CBX1: variants seen among roughly 807,000 people sequenced by gnomAD.
CBX1 encodes the protein chromobox 1.
In CBX1, 10 loss-of-function variants were observed where a neutral mutation model predicts 25.1. The ratio of observed to expected loss-of-function variants is 0.40; its 90% CI spans 0.25 to 0.68. CBX1 has a LOEUF of 0.68. Ranked by LOEUF, CBX1 falls within the 30% of genes least tolerant of loss-of-function variation. CBX1 has a pLI of 0.40. For synonymous variants in CBX1, 63 were observed against 79.4 expected (o/e 0.79, Z 1.10); for missense variants, 106 against 218.5 (o/e 0.49, Z 3.25).
In CBX1 at chr17:48,076,130, G is replaced by A. The variant is rs2037672902; in HGVS notation, c.189C>T (p.Leu63=). 18 of 1,611,360 alleles carry A rather than the reference G, an allele frequency of 1.1e-5. No individual in the cohort carries two copies. The highest frequency in any genetic ancestry group is 1.5e-5 in the Non-Finnish European group (18 of 1,177,846). Residue 63 remains leucine (L), a synonymous_variant, in exon 3 of 5, where the codon CTC becomes CTT. Transcript: ENST00000225603. ...TCTGTGACTGCAGAAACTCAGCAATGAGGTCGGGGCAATCCAGGTTCTCTT... is the reference window on the plus strand; with the variant it reads ...TCTGTGACTGCAGAAACTCAGCAATAAGGTCGGGGCAATCCAGGTTCTCTT... ...EPEENLDCPD[L]IAEFLQSQKT...
intron 1 of CBX1, among the ~76,000 whole-genome samples, chr17:48,077,402 C>A (rs1456954687): frequency 1.3e-5 from 2 of 149,256 alleles, no homozygotes; most frequent in Middle Eastern, 3.2e-3. Context: ...GGACTACAGG[C>A]GTGTGCCACC....
intron 1 of CBX1, among the ~76,000 whole-genome samples, chr17:48,090,867 A>G (rs74692318): frequency 0.025 from 3,828 of 152,346 alleles, 152 homozygotes; most frequent in African/African-American, 0.085. Flanking sequence ...TGCTGGAAAA[A>G]TGGGGTAGAC....
At position 48,076,975 on chromosome 17, in the gene CBX1, C is replaced by T. The variant is rs1063470; in HGVS notation, c.30G>A (p.Val10=). The stretch of plus-strand genomic sequence containing the variant: ...CTTCCTCCTCTTCTAGCACCTCCTC[C>T]ACTTTCTTCTTGTTTTGTTTTTTCC... MGKKQNKKK[V]EEVLEEEEEE... is the part of the protein sequence containing the mutation. Residue 10 remains valine (V), a synonymous_variant, in exon 2 of 5, where the codon GTG becomes GTA. Coordinates refer to ENST00000225603, the MANE Select transcript of CBX1 (RefSeq NM_001127228.2). 2 of 1,613,650 alleles carry T rather than the reference C, an allele frequency of 1.2e-6. No homozygotes were observed. Among genetic ancestry groups the T allele is most frequent in the Non-Finnish European group, 1.7e-6 (2 of 1,179,810 alleles).
At chr17:48,095,238 C>T (rs1017361872) in intron 1 of CBX1, among the ~76,000 whole-genome samples, 1 of 152,042 alleles carries the variant, frequency 6.6e-6, no homozygotes, top group African/African-American at 2.4e-5. Flanking sequence ...CTTGCACATA[C>T]AATTAAAGGT....
At chr17:48,078,111 A>AT (rs1385676948) in intron 1 of CBX1, among the ~76,000 whole-genome samples, 2 of 151,974 alleles carry the variant, frequency 1.3e-5, no homozygotes, top group East Asian at 3.9e-4. Context: ...AAATGTGCAC[A>AT]TATCAATAAA....
chr17:48,098,448 C>A (rs1167717120), intron 1 of CBX1, among the ~76,000 whole-genome samples: 1 of 152,158 alleles, frequency 6.6e-6, no homozygotes, highest in African/African-American at 2.4e-5. Flanking sequence ...ACAATCTGAA[C>A]GGCCTACTAT....
chr17:48,086,875 C>G (rs1464557127), intron 1 of CBX1, among the ~76,000 whole-genome samples: 1 of 150,866 alleles, frequency 6.6e-6, no homozygotes, highest in Non-Finnish European at 1.5e-5. Context: ...AAAAAGAAAA[C>G]GAAAAAGAAA....
At chr17:48,077,777 T>A (rs1254465246) in intron 1 of CBX1, among the ~76,000 whole-genome samples, 2 of 152,066 alleles carry the variant, frequency 1.3e-5, no homozygotes, top group Non-Finnish European at 2.9e-5. Context: ...AGCCCAGTAG[T>A]GTGTGACCAG....
intron 1 of CBX1, among the ~76,000 whole-genome samples, chr17:48,083,518 T>C (rs2037757999): frequency 6.6e-6 from 1 of 150,558 alleles, no homozygotes; most frequent in Admixed American, 6.6e-5. Context: ...TTTTCTTGTC[T>C]CTTTAAAAAT....
At chr17:48,100,124 G>A (rs928825778) in intron 1 of CBX1, among the ~76,000 whole-genome samples, 9 of 65,862 alleles carry the variant, frequency 1.4e-4, no homozygotes, top group Non-Finnish European at 2.9e-4. Context: ...GGGCAACAGA[G>A]GAAGACTCTT....
intron 1 of CBX1, among the ~76,000 whole-genome samples, chr17:48,085,987 T>A (rs527816494): frequency 6.6e-6 from 1 of 152,286 alleles, no homozygotes; most frequent in South Asian, 2.1e-4. Context: ...TGAGAATTGC[T>A]TGAACTCAGG....
chr17:48,100,613 T>C (rs1047595547), intron 1 of CBX1: 6 of 581,790 alleles, frequency 1.0e-5, no homozygotes, highest in Non-Finnish European at 1.3e-5. Flanking sequence ...ACATACCTTA[T>C]AGAAATATTC....
intron 1 of CBX1, chr17:48,100,674 G>A: frequency 1.0e-6 from 1 of 963,816 alleles, no homozygotes; most frequent in African/African-American, 1.8e-5. Context: ...TCCAGAGTCA[G>A]GCCCAGCAAA....
At chr17:48,095,620 T>C (rs1451173944) in intron 1 of CBX1, 2 of 152,208 alleles carry the variant, frequency 1.3e-5, no homozygotes, top group Non-Finnish European at 2.9e-5. Context: ...TATAAGCTTT[T>C]AAGGGAATAA....
chr17:48,093,905 A>C (rs1018715625), intron 1 of CBX1, among the ~76,000 whole-genome samples: 3 of 151,992 alleles, frequency 2.0e-5, no homozygotes, highest in African/African-American at 4.8e-5. Flanking sequence ...GAATTACCTG[A>C]GGTCAGGAGT....
intron 1 of CBX1, chr17:48,088,321 A>C (rs1047048179): frequency 4.0e-5 from 6 of 150,000 alleles, no homozygotes; most frequent in African/African-American, 1.5e-4. Context: ...AAAAAAAAAA[A>C]AAATTTATTT....
At position 48,071,561 on chromosome 17, in the gene CBX1, A is replaced by G. The variant is rs940574176; in HGVS notation, c.432T>C (p.Ala144=). The G allele has an allele frequency of 6.2e-7, 1 of 1,607,262 alleles. No homozygotes were observed. Among genetic ancestry groups the G allele is most frequent in the African/African-American group, 1.3e-5 (1 of 74,630 alleles). ...TGGCTTCCTTGGCAGGGACCAGGTC[A>G]GCCTCATCAGAGTTTTTCCTGCAGA... is the stretch of plus-strand genomic sequence containing the variant. ...FLMKWKNSDE[A]DLVPAKEANV... Residue 144 remains alanine, a synonymous_variant, in exon 5 of 5, where the codon GCT becomes GCC. Transcript: ENST00000225603.
intron 1 of CBX1, among the ~76,000 whole-genome samples, chr17:48,095,489 T>G (rs1460001090): frequency 6.6e-6 from 1 of 152,056 alleles, no homozygotes; most frequent in African/African-American, 2.4e-5. Flanking sequence ...CCTGGGAGGC[T>G]GAGGTTGCGG....
chr17:48,100,406 G>A (rs1293417117), intron 1 of CBX1: 2 of 152,096 alleles, frequency 1.3e-5, no homozygotes, highest in African/African-American at 2.4e-5. Flanking sequence ...AAAACGTACG[G>A]AACTAATTTT....
Sources: allele counts gnomAD v4.1 joint callset (sites outside exome capture counted in the v4.1 genomes callset), GRCh38; gene constraint gnomAD v4.1.1; transcripts MANE v1.5; gene names NCBI Gene and HGNC (gene_info 2026-07-23, HGNC 2026-07-21).